The following SUGT1 variants were observed in gnomAD, a reference collection of about 807,000 sequenced individuals.
SUGT1 encodes the protein protein SGT1 homolog.
A neutral mutation model predicts 56.1 loss-of-function variants in SUGT1; 15 were observed. That is an observed-to-expected ratio of 0.27 (90% CI 0.18 to 0.41). The LOEUF is 0.41. Ranked by LOEUF, SUGT1 falls within the 10% of genes least tolerant of loss-of-function variation. The pLI is 1.00. For missense variants in SUGT1, 347 were observed against 382.2 expected, an observed-to-expected ratio of 0.91 and a Z score of 0.77; for synonymous variants, 123 against 128.6, an observed-to-expected ratio of 0.96 and a Z score of 0.30.
rs1047861204 is a variant in SUGT1, at chr13:52,694,399, T to G, written c.*6564T>G. 1 of 152,236 alleles carries G rather than the reference T, an allele frequency of 6.6e-6. No individual in the cohort carries two copies. Among genetic ancestry groups the G allele is most frequent in the Non-Finnish European group, 1.5e-5 (1 of 68,038 alleles). The allele number at this position is 152,236 out of a possible 1,614,324, so 9.4% of individuals were successfully genotyped here. A position where few individuals can be genotyped will look rare whatever the true frequency, so the allele number is the denominator to read the frequency against. On this transcript the variant is annotated 3_prime_UTR_variant, in exon 13 of 13. Coordinates refer to ENST00000310528, the MANE Select transcript of SUGT1 (RefSeq NM_006704.5). Reference sequence around the variant, plus strand: ...TTTGTACTTTGGAGAGCATAAGAATTCATGAAAAGTTTTTAATAATTTTAC... The same window carrying G: ...TTTGTACTTTGGAGAGCATAAGAATGCATGAAAAGTTTTTAATAATTTTAC...
rs1414686292 is a variant in SUGT1 at position 52,659,179 on chromosome 13, A to G, written c.258A>G (p.Gly86=). 6.6e-7 allele frequency: 1 copy of G among 1,508,086 alleles called. No homozygotes were observed. The highest frequency in any genetic ancestry group is 2.6e-5 in the East Asian group (1 of 38,798). 93.4% of individuals were successfully genotyped at this position (1,508,086 alleles called of 1,614,324 possible). ...PNNSTAMLRK[G]ICEYHEKNYA... ...ATTTGTTTTAAATATATTCATGCAG[A>G]ATATGTGAATACCATGAAAAAAACT... The change falls in exon 5 of 13, where the codon GGA becomes GGG. Residue 86 remains glycine, a splice_region_variant and synonymous_variant. Transcript: ENST00000310528.
chr13:52,685,256 CTTTTTTT>C (rs59104304), intron 12 of SUGT1, among the ~76,000 whole-genome samples: 1 of 87,734 alleles, frequency 1.1e-5, no homozygotes. Context: ...TCTTCTTCTT[CTTTTTTT>C]TTTTTTTTTT....
intron 5 of SUGT1, 66 bp from the exon 6 acceptor site, chr13:52,662,583 A>G (rs901501415): frequency 8.4e-6 from 13 of 1,539,838 alleles, no homozygotes; most frequent in African/African-American, 2.7e-5. Flanking sequence ...GTAGGTATTC[A>G]GTAAGTATTT....
intron 2 of SUGT1, 133 bp from the exon 3 acceptor site, chr13:52,657,399 A>G (rs1962220570): frequency 1.3e-6 from 1 of 793,128 alleles, no homozygotes; most frequent in Non-Finnish European, 2.0e-6. Context: ...GAAAAACTCC[A>G]ATATTATATC....
At position 52,689,427 on chromosome 13, in the gene SUGT1, G is replaced by T. The variant is rs909923777; in HGVS notation, c.*1592G>T. The T allele has an allele frequency of 6.6e-6, 1 of 152,196 alleles. No homozygotes were observed. Among genetic ancestry groups the T allele is most frequent in the Admixed American group, 6.5e-5 (1 of 15,284 alleles). The allele number at this position is 152,196 out of a possible 1,614,324, so 9.4% of individuals were successfully genotyped here. A position where few individuals can be genotyped will look rare whatever the true frequency, so the allele number is the denominator to read the frequency against. ...TCAGTACCATTAATCCTAAGATGAA[G>T]AGGAAGGCTATTGCTGCAGAGGCAT... is the stretch of plus-strand genomic sequence containing the variant. On this transcript the variant is annotated 3_prime_UTR_variant, in exon 13 of 13. Transcript: ENST00000310528.
chr13:52,671,903 T>C (rs1962960190), intron 10 of SUGT1, among the ~76,000 whole-genome samples: 2 of 152,164 alleles, frequency 1.3e-5, no homozygotes, highest in African/African-American at 4.8e-5. Flanking sequence ...AAGTTAAAAT[T>C]CTAGCTGAAA....
chr13:52,687,447 G>C (rs1490350332), intron 12 of SUGT1: 1 of 188,802 alleles, frequency 5.3e-6, no homozygotes, highest in African/African-American at 2.3e-5. Context: ...ATGCTCATTA[G>C]CAAAGGATGT....
chr13:52,663,928 T>G (rs886531392), intron 7 of SUGT1, 107 bp from the exon 8 acceptor site: 91 of 1,017,570 alleles, frequency 8.9e-5, no homozygotes, highest in Non-Finnish European at 1.3e-4. Flanking sequence ...TCAAAATAAC[T>G]GCAGTGTTGG....
chr13:52,660,177 A>G (rs1962375468), intron 5 of SUGT1, among the ~76,000 whole-genome samples: 1 of 152,034 alleles, frequency 6.6e-6, no homozygotes, highest in Non-Finnish European at 1.5e-5. Context: ...GTTGTGAGTA[A>G]TTTCAGAAAA....
chr13:52,652,937 C>T lies in SUGT1; in HGVS notation c.17C>T (p.Ala6Val). 3 of 1,614,162 alleles carry T rather than the reference C, an allele frequency of 1.9e-6. No individual in the cohort carries two copies. The highest frequency in any genetic ancestry group is 2.5e-6 in the Non-Finnish European group (3 of 1,179,998). The part of the protein sequence containing the change: MAAAA[A>V]GTATSQRFFQ... ...CTACGAGGGATGGCGGCGGCTGCAG[C>T]AGGAACTGCAACATCCCAGAGGTGC... The change falls in exon 1 of 13, where the codon GCA becomes GTA. Residue 6 changes from alanine to valine, a missense_variant. Ala to Val is a moderately conservative substitution (Grantham distance 64). Coordinates refer to ENST00000310528, the MANE Select transcript of SUGT1 (RefSeq NM_006704.5).
At chr13:52,676,449 G>A (rs995261957) in intron 11 of SUGT1, 129 bp downstream of exon 11, 2 of 740,102 alleles carry the variant, frequency 2.7e-6, no homozygotes, top group Admixed American at 7.5e-5. Flanking sequence ...GTATAATAAG[G>A]TTGCTCCGTA....
chr13:52,655,605 T>C (rs1962128073), intron 2 of SUGT1, among the ~76,000 whole-genome samples: 1 of 152,134 alleles, frequency 6.6e-6, no homozygotes, highest in East Asian at 1.9e-4. Flanking sequence ...GCACCGGACT[T>C]GGTGACGATT....
chr13:52,670,768 G>A lies in SUGT1; in HGVS notation c.627+3849G>A, dbSNP rs181867761. Among the ~76,000 whole-genome samples the A allele has an allele frequency of 3.6e-3, 544 of 152,178 alleles. 4 individuals carry two copies. Among genetic ancestry groups the A allele is most frequent in the Non-Finnish European group, 6.3e-3 (428 of 67,996 alleles). On this transcript the variant is annotated intron_variant, in intron 10 of 12. Transcript: ENST00000310528. ...GGTTGCAGTGAGCCGAGATCATGTC[G>A]CGCCACTGCACTCCCGCCTGGGTGA...
intron 5 of SUGT1, among the ~76,000 whole-genome samples, chr13:52,660,110 T>C (rs1962372053): frequency 6.6e-6 from 1 of 151,964 alleles, no homozygotes; most frequent in Admixed American, 6.6e-5. Flanking sequence ...ATTACAGGCA[T>C]GAGCCACTGC....
intron 5 of SUGT1, chr13:52,661,647 G>C: frequency 2.6e-6 from 1 of 385,130 alleles, no homozygotes; most frequent in Non-Finnish European, 5.1e-6. Context: ...TATCAGACAG[G>C]GTAAAGAATT....
intron 12 of SUGT1, among the ~76,000 whole-genome samples, chr13:52,686,072 C>A (rs897511052): frequency 6.6e-6 from 1 of 152,120 alleles, no homozygotes; most frequent in African/African-American, 2.4e-5. Flanking sequence ...GGACTACGGG[C>A]GCATGCCACT....
chr13:52,662,777 ATTTGT>A (rs1202502592), intron 6 of SUGT1, 75 bp downstream of exon 6: 2 of 1,444,198 alleles, frequency 1.4e-6, no homozygotes, highest in African/African-American at 1.4e-5. Flanking sequence ...GTTTAAACAA[ATTTGT>A]TTTTATCTTT....
chr13:52,677,639 A>G (rs1041305655), intron 11 of SUGT1, among the ~76,000 whole-genome samples: 2 of 152,140 alleles, frequency 1.3e-5, no homozygotes, highest in Admixed American at 6.5e-5. Context: ...TAAGCTCAAG[A>G]TTATCCCTCA....
chr13:52,700,306 CTATTTGCTATGTT>C lies in SUGT1; in HGVS notation c.*12475_*12487del, dbSNP rs1183758832. On this transcript the variant is annotated 3_prime_UTR_variant, in exon 13 of 13. Transcript: ENST00000310528. ...CAAACACCTTAGAAAATAGCCTCAG[CTATTTGCTATGTT>C]TATATTATACCTGCATAAAAGTATT... is the stretch of plus-strand genomic sequence containing the variant. The C allele has an allele frequency of 6.6e-6, 1 of 152,244 alleles. No homozygotes were observed. Among genetic ancestry groups the C allele is most frequent in the East Asian group, 1.9e-4 (1 of 5,186 alleles). 9.4% of individuals were successfully genotyped at this position (152,244 alleles called of 1,614,324 possible). A position where few individuals can be genotyped will look rare whatever the true frequency, so the allele number is the denominator to read the frequency against.
Sources: gnomAD v4.1 joint callset for allele counts (sites outside exome capture counted in the v4.1 genomes callset) on GRCh38, gnomAD v4.1.1 for gene constraint, MANE v1.5 for transcripts, NCBI Gene and HGNC (gene_info 2026-07-23, HGNC 2026-07-21) for gene names.